Variants in STARD13 observed in about 807,000 individuals in gnomAD.
STARD13 encodes the protein stAR-related lipid transfer protein 13.
In STARD13, 62 loss-of-function variants were observed where a neutral mutation model predicts 106.4. That is an observed-to-expected ratio of 0.58 (90% CI 0.48 to 0.72). The LOEUF is 0.72. Ranked by LOEUF, STARD13 falls within the 30% of genes least tolerant of loss-of-function variation. STARD13 has a pLI of 0.00. For missense variants in STARD13, 1,387 were observed against 1,424.0 expected (o/e 0.97, Z 0.42); for synonymous variants, 565 against 553.0 (o/e 1.02, Z -0.31).
the STARD13 span, among the ~76,000 whole-genome samples, chr13:33,632,653 C>T: frequency 6.6e-6 from 1 of 152,150 alleles, no homozygotes; most frequent in Non-Finnish European, 1.5e-5. Flanking sequence ...CTTCTCTTCA[C>T]TGGCATATAT....
the STARD13 span, among the ~76,000 whole-genome samples, chr13:33,526,856 G>A: frequency 6.6e-6 from 1 of 152,088 alleles, no homozygotes; most frequent in Non-Finnish European, 1.5e-5. Context: ...AAAATGTAAA[G>A]ATAGAGAACA....
At chr13:33,646,715 C>G in the STARD13 span, among the ~76,000 whole-genome samples, 4 of 151,836 alleles carry the variant, frequency 2.6e-5, no homozygotes, top group South Asian at 8.3e-4. Context: ...TCAACTGTAA[C>G]TATTCTGAAA....
the STARD13 span, among the ~76,000 whole-genome samples, chr13:33,495,882 A>C: frequency 6.9e-6 from 1 of 144,974 alleles, no homozygotes. Flanking sequence ...TAATGATTAC[A>C]TATAATTATA....
At chr13:33,436,021 C>T in the STARD13 span, among the ~76,000 whole-genome samples, 5 of 152,152 alleles carry the variant, frequency 3.3e-5, no homozygotes, top group African/African-American at 7.2e-5. Context: ...CTGTTCCTGA[C>T]AGATCCTTCT....
chr13:33,409,601 G>A, the STARD13 span, among the ~76,000 whole-genome samples: 1 of 152,190 alleles, frequency 6.6e-6, no homozygotes, highest in Non-Finnish European at 1.5e-5. Flanking sequence ...AATGTATTAA[G>A]TACGTTTTTC....
the STARD13 span, among the ~76,000 whole-genome samples, chr13:33,622,495 C>A: frequency 6.7e-6 from 1 of 150,150 alleles, no homozygotes; most frequent in Non-Finnish European, 1.5e-5. Flanking sequence ...AAAAACTAGT[C>A]GGGCGTACTA....
At chr13:33,437,446 G>A in the STARD13 span, among the ~76,000 whole-genome samples, 63 of 152,294 alleles carry the variant, frequency 4.1e-4, 1 homozygote, top group African/African-American at 1.5e-3. Flanking sequence ...TGTCTGAGGA[G>A]TTTTGCCTGC....
intron 1 of STARD13, among the ~76,000 whole-genome samples, chr13:33,213,733 A>G (rs1395617531): frequency 6.6e-6 from 1 of 152,204 alleles, no homozygotes; most frequent in African/African-American, 2.4e-5. Context: ...AGGATTGATT[A>G]CCCTAATTCT....
the STARD13 span, among the ~76,000 whole-genome samples, chr13:33,529,829 T>G: frequency 6.6e-6 from 1 of 152,100 alleles, no homozygotes; most frequent in Non-Finnish European, 1.5e-5. Context: ...CAAAGAATAG[T>G]GAGGATTTTA....
chr13:33,445,660 C>T, the STARD13 span, among the ~76,000 whole-genome samples: 3 of 151,992 alleles, frequency 2.0e-5, no homozygotes, highest in Admixed American at 6.6e-5. Context: ...TCTGGTATCC[C>T]GAACAGCTCA....
chr13:33,500,169 A>C, the STARD13 span, among the ~76,000 whole-genome samples: 1 of 152,134 alleles, frequency 6.6e-6, no homozygotes, highest in Non-Finnish European at 1.5e-5. Context: ...TTGGAGCTTC[A>C]ACATATAAAT....
chr13:33,582,268 A>C, the STARD13 span, among the ~76,000 whole-genome samples: 1 of 152,120 alleles, frequency 6.6e-6, no homozygotes, highest in South Asian at 2.1e-4. Context: ...AACTTGCCCA[A>C]GTTTACACAG....
At chr13:33,276,047 C>A (rs1400222031) in intron 1 of STARD13, 1 of 152,238 alleles carries the variant, frequency 6.6e-6, no homozygotes, top group Non-Finnish European at 1.5e-5. Flanking sequence ...TTCCCTTCTT[C>A]TTGCCAAGAT....
chr13:33,208,756 C>A (rs1334937364), intron 1 of STARD13, among the ~76,000 whole-genome samples: 1 of 152,088 alleles, frequency 6.6e-6, no homozygotes, highest in African/African-American at 2.4e-5. Context: ...CTAGAGGCAA[C>A]CAGAAAGACA....
chr13:33,519,390 A>G, the STARD13 span, among the ~76,000 whole-genome samples: 1 of 144,630 alleles, frequency 6.9e-6, no homozygotes, highest in Non-Finnish European at 1.5e-5. Flanking sequence ...CCCCATCACC[A>G]TGTTGGTCAG....
chr13:33,224,183 C>T (rs1401870618), intron 1 of STARD13, among the ~76,000 whole-genome samples: 1 of 152,136 alleles, frequency 6.6e-6, no homozygotes, highest in Non-Finnish European at 1.5e-5. Context: ...GAGTAATACA[C>T]AACTTGAGGG....
intron 1 of STARD13, among the ~76,000 whole-genome samples, chr13:33,200,854 A>AC: frequency 6.6e-6 from 1 of 151,166 alleles, no homozygotes; most frequent in African/African-American, 2.4e-5. Context: ...ACCCGTCTCT[A>AC]CTAAAAAAAA....
At chr13:33,615,622 C>T in the STARD13 span, among the ~76,000 whole-genome samples, 5 of 152,048 alleles carry the variant, frequency 3.3e-5, no homozygotes, top group Non-Finnish European at 7.4e-5. Flanking sequence ...CCAGGGTAAC[C>T]ATCTGGCATC....
chr13:33,263,719 G>T (rs1486923701), intron 1 of STARD13, among the ~76,000 whole-genome samples: 1 of 152,158 alleles, frequency 6.6e-6, no homozygotes, highest in Admixed American at 6.5e-5. Flanking sequence ...TCATGTTGGG[G>T]ACAAAAGAAC....
Sources: gnomAD v4.1 joint callset for allele counts (sites outside exome capture counted in the v4.1 genomes callset) on GRCh38, gnomAD v4.1.1 for gene constraint, MANE v1.5 for transcripts, NCBI Gene and HGNC (gene_info 2026-07-23, HGNC 2026-07-21) for gene names.